Variants in MAP2 observed in about 807,000 individuals in gnomAD.
MAP2 encodes the protein microtubule associated protein 2.
MAP2 carries 14 observed loss-of-function variants against 137.6 expected under a neutral mutation model. The observed-to-expected ratio is 0.10, with a 90% confidence interval of 0.07 to 0.16. The LOEUF (loss-of-function observed/expected upper bound fraction) is 0.16, where lower values mean the gene tolerates loss of function less well. Among genes scored for constraint, MAP2 ranks in the 10% least tolerant of loss-of-function variants. The probability of loss-of-function intolerance (pLI) is 1.00; values close to 1 mark genes in which losing one functional copy is unlikely to be tolerated. For missense variants in MAP2, 2,088 were observed against 2,191.5 expected (o/e 0.95, Z 0.94); for synonymous variants, 786 against 782.3 (o/e 1.00, Z -0.08).
At position 209,547,553 on chromosome 2, in the gene MAP2, T is replaced by C. The variant is rs147027821; in HGVS notation, c.-171-32483T>C. 1.0e-3 allele frequency among the ~76,000 whole-genome samples: 157 copies of C among 152,332 alleles called. No homozygotes were observed. In the Middle Eastern group the frequency reaches 0.014, roughly 13 times the overall value. ...AAAGTGACATTGCTAATAAAAATGC[T>C]GTATTGATGAATATCAATATTGAAG... On this transcript the variant is annotated intron_variant, in intron 2 of 15. Transcript: ENST00000682079.
At chr2:209,488,885 C>A (rs544640453) in intron 1 of MAP2, among the ~76,000 whole-genome samples, 2 of 152,204 alleles carry the variant, frequency 1.3e-5, no homozygotes, top group Non-Finnish European at 2.9e-5. Flanking sequence ...AACGTTCCTG[C>A]CTGCCAGCTC....
intron 4 of MAP2, among the ~76,000 whole-genome samples, chr2:209,643,361 G>A (rs1405530654): frequency 6.6e-6 from 1 of 152,176 alleles, no homozygotes; most frequent in African/African-American, 2.4e-5. Context: ...TTGTGATTAT[G>A]TGGGAATCCC....
intron 3 of MAP2, among the ~76,000 whole-genome samples, chr2:209,603,109 G>A (rs6744370): frequency 0.99 from 150,922 of 152,268 alleles, 74,805 homozygotes; most frequent in East Asian, 1. Flanking sequence ...TTTAGCTGCA[G>A]TCCAGAGTCA....
At chr2:209,561,431 C>A (rs776963760) in intron 2 of MAP2, among the ~76,000 whole-genome samples, 2 of 151,718 alleles carry the variant, frequency 1.3e-5, no homozygotes, top group Non-Finnish European at 2.9e-5. Context: ...GAAGCTGGGG[C>A]CAGATTTGTC....
intron 1 of MAP2, among the ~76,000 whole-genome samples, chr2:209,456,375 C>A (rs1701540865): frequency 6.6e-6 from 1 of 152,068 alleles, no homozygotes; most frequent in African/African-American, 2.4e-5. Flanking sequence ...AATGAAGGAG[C>A]CAGTTTAAGG....
At chr2:209,661,826 T>A in intron 5 of MAP2, 1 of 271,322 alleles carries the variant, frequency 3.7e-6, no homozygotes, top group Non-Finnish European at 5.6e-6. Flanking sequence ...ATGGATATTA[T>A]AATAAAGAAT....
At chr2:209,568,495 G>C (rs1237333287) in intron 2 of MAP2, among the ~76,000 whole-genome samples, 2 of 151,936 alleles carry the variant, frequency 1.3e-5, no homozygotes, top group Non-Finnish European at 2.9e-5. Context: ...ATTGGCACTA[G>C]CTGACCTCTT....
At chr2:209,595,599 C>T (rs2153447078) in intron 3 of MAP2, among the ~76,000 whole-genome samples, 1 of 152,278 alleles carries the variant, frequency 6.6e-6, no homozygotes, top group East Asian at 1.9e-4. Flanking sequence ...CCAGCGATCC[C>T]ATTACTGGGT....
intron 4 of MAP2, 104 bp from the exon 5 acceptor site, chr2:209,653,038 A>G (rs75927859): frequency 0.012 from 9,675 of 814,378 alleles, 61 homozygotes; most frequent in Non-Finnish European, 0.014. Context: ...TTCTTTGACC[A>G]TAGAAAGCCA....
intron 2 of MAP2, among the ~76,000 whole-genome samples, chr2:209,567,398 T>A (rs550758547): frequency 6.6e-6 from 1 of 151,902 alleles, no homozygotes; most frequent in South Asian, 2.1e-4. Flanking sequence ...GGAGAAAGAG[T>A]TGAAAAGGGG....
intron 4 of MAP2, among the ~76,000 whole-genome samples, chr2:209,644,755 C>A (rs2094305864): frequency 6.6e-6 from 1 of 151,236 alleles, no homozygotes; most frequent in Admixed American, 6.6e-5. Context: ...ATATTGCTAT[C>A]ATGGTTTGGT....
At chr2:209,520,841 T>C (rs1363774170) in intron 2 of MAP2, among the ~76,000 whole-genome samples, 1 of 152,098 alleles carries the variant, frequency 6.6e-6, no homozygotes, top group African/African-American at 2.4e-5. Flanking sequence ...CTATTGTGTA[T>C]TAATTTGACT....
At chr2:209,561,774 T>A (rs914330274) in intron 2 of MAP2, among the ~76,000 whole-genome samples, 19 of 152,230 alleles carry the variant, frequency 1.2e-4, no homozygotes, top group Non-Finnish European at 1.5e-5. Flanking sequence ...TATTTTGTTA[T>A]TGGTTTCTTT....
chr2:209,567,469 A>G (rs2073686499), intron 2 of MAP2, among the ~76,000 whole-genome samples: 1 of 152,148 alleles, frequency 6.6e-6, no homozygotes, highest in Non-Finnish European at 1.5e-5. Context: ...GTGGTAGCTC[A>G]AGAAAAAGGT....
chr2:209,650,392 C>T (rs10196314), intron 4 of MAP2, among the ~76,000 whole-genome samples: 27,725 of 152,028 alleles, frequency 0.18, 3,578 homozygotes, highest in African/African-American at 0.36. Flanking sequence ...TTCCTACCCA[C>T]GTAGCTTAGC....
chr2:209,562,379 G>A (rs192903471), intron 2 of MAP2, among the ~76,000 whole-genome samples: 67 of 150,506 alleles, frequency 4.5e-4, no homozygotes, highest in African/African-American at 1.5e-3. Context: ...GCTACACACT[G>A]GGGGTGTCTC....
Position 209,601,028 on chromosome 2 carries a change from G to T in MAP2, c.-107+20928G>T, listed in dbSNP as rs139090573. Among the ~76,000 whole-genome samples the T allele has an allele frequency of 6.6e-5, 10 of 152,276 alleles. No homozygotes were observed. In the East Asian group the frequency reaches 1.9e-3, roughly 29 times the overall value. On this transcript the variant is annotated intron_variant, in intron 3 of 15. Transcript: ENST00000682079. Reference sequence around the variant, plus strand: ...TCACAATGACAGCTGTATGGCTCTTGTCAAGTTGCTCTGTAGGCACAGGTT... The same window carrying T: ...TCACAATGACAGCTGTATGGCTCTTTTCAAGTTGCTCTGTAGGCACAGGTT...
intron 11 of MAP2, among the ~76,000 whole-genome samples, chr2:209,702,992 A>G (rs982782505): frequency 2.0e-5 from 3 of 152,140 alleles, no homozygotes; most frequent in South Asian, 2.1e-4. Context: ...CCCATGAGAC[A>G]TATGGCACGC....
intron 7 of MAP2, chr2:209,690,887 A>G (rs2058661650): frequency 8.0e-7 from 1 of 1,243,576 alleles, no homozygotes; most frequent in South Asian, 1.4e-5. Context: ...TTTGTTGCAA[A>G]TGATCTCTCC....
Sources: allele counts gnomAD v4.1 joint callset (sites outside exome capture counted in the v4.1 genomes callset), GRCh38; gene constraint gnomAD v4.1.1; transcripts MANE v1.5; gene names NCBI Gene and HGNC (gene_info 2026-07-23, HGNC 2026-07-21).